The following GALNT13 variants were observed in gnomAD, a reference collection of about 807,000 sequenced individuals.
GALNT13 encodes the protein UDP-GalNAc:polypeptide N-acetylgalactosaminyltransferase 13.
Under a neutral mutation model 64.2 loss-of-function variants are expected in GALNT13, and 28 were observed. That is an observed-to-expected ratio of 0.44 (90% confidence interval 0.32 to 0.60). The LOEUF (loss-of-function observed/expected upper bound fraction) is 0.60, where lower values mean the gene tolerates loss of function less well. Ranked by LOEUF, GALNT13 falls within the 20% of genes least tolerant of loss-of-function variation. The probability of loss-of-function intolerance (pLI) is 0.05; values close to 1 mark genes in which losing one functional copy is unlikely to be tolerated. For synonymous variants in GALNT13, 214 were observed against 224.6 expected (o/e 0.95, Z 0.42); for missense variants, 577 against 669.8 (o/e 0.86, Z 1.53).
chr2:154,406,415 C>T (rs2105385617), intron 10 of GALNT13, among the ~76,000 whole-genome samples: 1 of 152,230 alleles, frequency 6.6e-6, no homozygotes. Context: ...TCTCATGATT[C>T]CTTACATTAC....
chr2:153,103,326 T>C, the GALNT13 span, among the ~76,000 whole-genome samples: 2 of 152,188 alleles, frequency 1.3e-5, no homozygotes, highest in Non-Finnish European at 2.9e-5. Flanking sequence ...GTTCTTGTTG[T>C]TCCTCTTGCA....
Position 154,050,996 on chromosome 2 carries a change from T to C in GALNT13, c.143-89341T>C, listed in dbSNP as rs558933168. Among the ~76,000 whole-genome samples, 7 of 152,302 alleles carry C rather than the reference T, an allele frequency of 4.6e-5. No homozygotes were observed. The South Asian group carries it at 6.2e-4, about 14-fold the overall frequency. On this transcript the variant is annotated intron_variant, in intron 3 of 12. Transcript: ENST00000392825. ...CCCCCTCCCAGGACTTAGAACAATA[T>C]GAACTCTGAAATAGAAAGTCTTCTC... is the stretch of plus-strand genomic sequence containing the variant.
At chr2:154,326,326 CAAA>C (rs35753554) in intron 9 of GALNT13, among the ~76,000 whole-genome samples, 12 of 95,090 alleles carry the variant, frequency 1.3e-4, no homozygotes, top group East Asian at 6.3e-4. Context: ...GGGATTTCTG[CAAA>C]AAAAAAAAAA....
intron 3 of GALNT13, among the ~76,000 whole-genome samples, chr2:154,081,572 C>T (rs1423823365): frequency 6.6e-6 from 1 of 151,636 alleles, no homozygotes; most frequent in Non-Finnish European, 1.5e-5. Flanking sequence ...TTACCCAAAA[C>T]TCAGGTCATA....
chr2:154,033,994 G>C (rs1262737464), intron 3 of GALNT13, among the ~76,000 whole-genome samples: 1 of 151,996 alleles, frequency 6.6e-6, no homozygotes, highest in African/African-American at 2.4e-5. Flanking sequence ...GGAGAACCTG[G>C]AGTGACTGGA....
intron 3 of GALNT13, among the ~76,000 whole-genome samples, chr2:154,110,378 CAGAGAGAGAGAGAGAG>C (rs1293098530): frequency 6.0e-5 from 3 of 50,042 alleles, no homozygotes; most frequent in African/African-American, 2.4e-4. Flanking sequence ...GAGAGAGAGA[CAGAGAGAGAGAGAGAG>C]AGAGAGACAG....
chr2:154,393,673 G>A (rs1293373378), intron 9 of GALNT13, among the ~76,000 whole-genome samples: 1 of 152,296 alleles, frequency 6.6e-6, no homozygotes, highest in Admixed American at 6.5e-5. Context: ...GCGGCTTAGA[G>A]GTGGCAGGAT....
At chr2:154,361,789 G>A (rs1165206609) in intron 9 of GALNT13, among the ~76,000 whole-genome samples, 3 of 152,076 alleles carry the variant, frequency 2.0e-5, no homozygotes, top group Non-Finnish European at 4.4e-5. Context: ...AGCATGATTA[G>A]GCTTTTTAAA....
the GALNT13 span, among the ~76,000 whole-genome samples, chr2:153,671,042 G>A: frequency 6.6e-6 from 1 of 152,176 alleles, no homozygotes; most frequent in Non-Finnish European, 1.5e-5. Flanking sequence ...CAAGAAATAT[G>A]GGACTATGTG....
At chr2:153,347,561 C>T in the GALNT13 span, among the ~76,000 whole-genome samples, 1 of 152,096 alleles carries the variant, frequency 6.6e-6, no homozygotes, top group Non-Finnish European at 1.5e-5. Context: ...AAGCCATATA[C>T]CATGAAGGCA....
the GALNT13 span, among the ~76,000 whole-genome samples, chr2:153,858,406 T>G: frequency 6.6e-6 from 1 of 152,114 alleles, no homozygotes; most frequent in South Asian, 2.1e-4. Context: ...TAACTTGGGT[T>G]TAATAATAGA....
At chr2:153,322,082 T>G in the GALNT13 span, among the ~76,000 whole-genome samples, 1 of 151,984 alleles carries the variant, frequency 6.6e-6, no homozygotes, top group Non-Finnish European at 1.5e-5. Flanking sequence ...TTTGTTACTT[T>G]GGTACATTGA....
At chr2:153,971,395 T>C (rs936244275) in intron 3 of GALNT13, among the ~76,000 whole-genome samples, 2 of 152,128 alleles carry the variant, frequency 1.3e-5, no homozygotes, top group Non-Finnish European at 2.9e-5. Context: ...ATAACAATCC[T>C]GTAAGTCTAT....
chr2:154,307,898 C>T (rs1024164770), intron 9 of GALNT13, among the ~76,000 whole-genome samples: 46 of 152,048 alleles, frequency 3.0e-4, no homozygotes, highest in African/African-American at 8.2e-4. Context: ...AGCTTAAGAA[C>T]TTTAAGATAG....
intron 3 of GALNT13, among the ~76,000 whole-genome samples, chr2:154,020,520 A>G (rs993664629): frequency 1.3e-5 from 2 of 152,080 alleles, no homozygotes; most frequent in African/African-American, 2.4e-5. Flanking sequence ...GTCTGTTCAT[A>G]TCTTTCGCCC....
At chr2:153,294,211 T>G in the GALNT13 span, among the ~76,000 whole-genome samples, 3 of 152,080 alleles carry the variant, frequency 2.0e-5, no homozygotes, top group African/African-American at 7.2e-5. Flanking sequence ...GGAGTTTGGG[T>G]GCAGGCAGGT....
chr2:154,102,706 A>G (rs1473321631), intron 3 of GALNT13, among the ~76,000 whole-genome samples: 2 of 152,024 alleles, frequency 1.3e-5, no homozygotes, highest in African/African-American at 4.8e-5. Context: ...TGATTTAACA[A>G]AAAAAAATCC....
intron 3 of GALNT13, among the ~76,000 whole-genome samples, chr2:154,034,945 A>G (rs1558922198): frequency 1.3e-5 from 2 of 152,142 alleles, no homozygotes; most frequent in Admixed American, 1.3e-4. Flanking sequence ...GAAATGGAAT[A>G]CTTATACACG....
chr2:153,169,657 A>G, the GALNT13 span, among the ~76,000 whole-genome samples: 1 of 152,198 alleles, frequency 6.6e-6, no homozygotes, highest in Non-Finnish European at 1.5e-5. Flanking sequence ...GTCCCTGGTA[A>G]GAGCTTGGCT....
Sources: gnomAD v4.1 joint callset for allele counts (sites outside exome capture counted in the v4.1 genomes callset) on GRCh38, gnomAD v4.1.1 for gene constraint, MANE v1.5 for transcripts, NCBI Gene and HGNC (gene_info 2026-07-23, HGNC 2026-07-21) for gene names.